Variants in USP18 observed in about 807,000 individuals in gnomAD.
USP18 encodes ubiquitin specific peptidase 18.
USP18 carries 11 observed loss-of-function variants against 48.7 expected under a neutral mutation model. The ratio of observed to expected loss-of-function variants is 0.23; its 90% CI spans 0.14 to 0.37. The LOEUF (loss-of-function observed/expected upper bound fraction) is 0.37. USP18 is among the 10% of genes least tolerant of loss of function. The pLI is 1.00. For synonymous variants in USP18, 114 were observed against 163.2 expected, an observed-to-expected ratio of 0.70 and a Z score of 2.30; for missense variants, 285 against 436.4, an observed-to-expected ratio of 0.65 and a Z score of 3.09.
At chr22:18,173,951 G>C in intron 10 of USP18, 109 bp downstream of exon 10, 1 of 1,503,112 alleles carries the variant, frequency 6.7e-7, no homozygotes, top group Non-Finnish European at 9.1e-7. Flanking sequence ...ATGGCTCACT[G>C]TCCGCCTCAT....
chr22:18,151,087 T>TA (rs1928988144), intron 1 of USP18, among the ~76,000 whole-genome samples: 1 of 144,618 alleles, frequency 6.9e-6, no homozygotes, highest in African/African-American at 2.7e-5. Context: ...TTCATACAAA[T>TA]ATATCGGTGG....
intron 1 of USP18, among the ~76,000 whole-genome samples, chr22:18,150,598 G>A (rs1928968726): frequency 6.6e-6 from 1 of 152,172 alleles, no homozygotes; most frequent in Non-Finnish European, 1.5e-5. Flanking sequence ...AACTTGCTTT[G>A]TCCACTGAGT....
At chr22:18,155,586 G>T (rs1164088202) in intron 1 of USP18, among the ~76,000 whole-genome samples, 1 of 152,200 alleles carries the variant, frequency 6.6e-6, no homozygotes, top group Non-Finnish European at 1.5e-5. Context: ...CGAGTTCCGA[G>T]TGGGCGTGGG....
Position 18,157,823 on chromosome 22 carries a change from C to T in USP18, c.157+3C>T. 6.2e-7 allele frequency: 1 copy of T among 1,613,854 alleles called. No individual in the cohort carries two copies. Reference sequence around the variant, plus strand: ...CAGGGCCTGGGACTACCCTCATGGTCATTAGACCCCTCCCGTTTTCCTCTT... The same window carrying T: ...CAGGGCCTGGGACTACCCTCATGGTTATTAGACCCCTCCCGTTTTCCTCTT... On this transcript the variant is annotated splice_donor_region_variant and intron_variant, in intron 2 of 10. Coordinates refer to ENST00000215794, the MANE Select transcript of USP18 (RefSeq NM_017414.4).
chr22:18,167,485 C>T (rs1929505287), intron 5 of USP18, 151 bp downstream of exon 5: 1 of 960,944 alleles, frequency 1.0e-6, no homozygotes, highest in Non-Finnish European at 1.5e-6. Context: ...ATCACGAGGT[C>T]AGGAGATCGA....
intron 1 of USP18, among the ~76,000 whole-genome samples, chr22:18,152,032 C>A (rs1413155298): frequency 1.3e-5 from 2 of 151,232 alleles, no homozygotes; most frequent in Admixed American, 1.3e-4. Context: ...CCAGCCTGGG[C>A]GACAGAGGGA....
chr22:18,152,387 G>T (rs1395564833), intron 1 of USP18, among the ~76,000 whole-genome samples: 3 of 150,634 alleles, frequency 2.0e-5, no homozygotes, highest in African/African-American at 7.4e-5. Context: ...GCCTGGGCCA[G>T]TTCCTTCCGT....
intron 2 of USP18, among the ~76,000 whole-genome samples, chr22:18,159,672 ATTT>A (rs34386839): frequency 6.4e-4 from 49 of 76,910 alleles, no homozygotes; most frequent in African/African-American, 6.6e-4. Context: ...TGATTTTTGG[ATTT>A]TTTTTTTTTT....
chr22:18,175,280 T>C (rs1293510752), intron 10 of USP18, among the ~76,000 whole-genome samples: 2 of 152,098 alleles, frequency 1.3e-5, no homozygotes, highest in Admixed American at 6.5e-5. Flanking sequence ...AGAGAGACTT[T>C]GTAAGTTTCT....
rs544924146 is a variant in USP18, at chr22:18,171,293, T to A, written c.891+373T>A. 6.3e-4 allele frequency among the ~76,000 whole-genome samples: 63 copies of A among 99,534 alleles called. 1 individual carries two copies. The South Asian group carries it at 0.023, about 36-fold the overall frequency. The allele number at this position is 99,534 out of a possible 152,430, so 65.3% of individuals were successfully genotyped here. A position where few individuals can be genotyped will look rare whatever the true frequency, so the allele number is the denominator to read the frequency against. ...ACATTTAATCAGAGTAAAGTTTAAT[T>A]CACTTGTCCTGAGATAATAACTTAT... On this transcript the variant is annotated intron_variant, in intron 8 of 10. Transcript: ENST00000215794.
At chr22:18,164,029 T>C (rs1929404469) in intron 4 of USP18, among the ~76,000 whole-genome samples, 1 of 152,268 alleles carries the variant, frequency 6.6e-6, no homozygotes, top group African/African-American at 2.4e-5. Context: ...ATATTGAAAC[T>C]GCACACTCCT....
intron 1 of USP18, among the ~76,000 whole-genome samples, chr22:18,155,697 C>T (rs1602519116): frequency 6.6e-6 from 1 of 152,228 alleles, no homozygotes; most frequent in Admixed American, 6.5e-5. Flanking sequence ...CTCGATTTCT[C>T]GCCGGGCCTT....
At chr22:18,159,965 C>T (rs536532919) in intron 2 of USP18, among the ~76,000 whole-genome samples, 1 of 152,246 alleles carries the variant, frequency 6.6e-6, no homozygotes, top group South Asian at 2.1e-4. Flanking sequence ...GCGTGAGCCA[C>T]CGCACCCGGC....
chr22:18,170,976 T>C, intron 8 of USP18, 56 bp downstream of exon 8: 1 of 793,148 alleles, frequency 1.3e-6, no homozygotes, highest in South Asian at 1.8e-5. Flanking sequence ...CCATGTCCTT[T>C]CTGTTTTCCC....
At chr22:18,152,929 A>G (rs952696923) in intron 1 of USP18, among the ~76,000 whole-genome samples, 5 of 151,762 alleles carry the variant, frequency 3.3e-5, no homozygotes, top group South Asian at 2.1e-4. Flanking sequence ...GCAGCCTGGA[A>G]CCTCTCTGCT....
Position 18,173,910 on chromosome 22 carries a change from G to A in USP18, c.1073+68G>A, listed in dbSNP as rs535683324. 980 of 1,494,886 alleles carry A rather than the reference G, an allele frequency of 6.6e-4. 7 individuals carry two copies. In the South Asian group the frequency reaches 9.5e-3, roughly 14 times the overall value. 92.6% of individuals were successfully genotyped at this position (1,494,886 alleles called of 1,614,324 possible). ...TAGGGTCCTTGGAGCTGCATGAAAC[G>A]CCCATGGATTCCCCTGTTACTAACA... On this transcript the variant is annotated intron_variant, in intron 10 of 10. Coordinates refer to ENST00000215794, the MANE Select transcript of USP18 (RefSeq NM_017414.4).
intron 8 of USP18, 106 bp from the exon 9 acceptor site, chr22:18,173,044 A>G (rs1349505223): frequency 6.4e-7 from 1 of 1,567,486 alleles, no homozygotes; most frequent in African/African-American, 1.4e-5. Context: ...ACTGTTTTCT[A>G]ATATTCTAAA....
intron 2 of USP18, among the ~76,000 whole-genome samples, chr22:18,158,805 C>T (rs1206174161): frequency 6.6e-6 from 1 of 152,170 alleles, no homozygotes; most frequent in Non-Finnish European, 1.5e-5. Context: ...GACCTCTCCG[C>T]TGGACTCCAA....
At chr22:18,162,015 G>A (rs1396133689) in intron 4 of USP18, 80 bp downstream of exon 4, 9 of 1,491,234 alleles carry the variant, frequency 6.0e-6, no homozygotes, top group African/African-American at 2.8e-5. Context: ...AGGAACTAAC[G>A]GGCAGTGAAG....
Sources: allele counts gnomAD v4.1 joint callset (sites outside exome capture counted in the v4.1 genomes callset), GRCh38; gene constraint gnomAD v4.1.1; transcripts MANE v1.5; gene names NCBI Gene and HGNC (gene_info 2026-07-23, HGNC 2026-07-21).